POMP: variants seen among roughly 807,000 people sequenced by gnomAD.
POMP encodes the protein 2510048O06Rik.
A neutral mutation model predicts 20.6 loss-of-function variants in POMP; 12 were observed. That is an observed-to-expected ratio of 0.58 (90% CI 0.37 to 0.94). The LOEUF is 0.94. Ranked by LOEUF, POMP falls within the 40% of genes least tolerant of loss-of-function variation. POMP has a pLI of 0.01. For synonymous variants in POMP, 53 were observed against 55.0 expected, an observed-to-expected ratio of 0.96 and a Z score of 0.16; for missense variants, 136 against 161.1, an observed-to-expected ratio of 0.84 and a Z score of 0.84.
chr13:28,665,687 T>TCCC (rs1884431846), intron 3 of POMP, among the ~76,000 whole-genome samples: 1 of 152,218 alleles, frequency 6.6e-6, no homozygotes, highest in Admixed American at 6.5e-5. Flanking sequence ...CTGTGAGCAT[T>TCCC]TAATAGGGTA....
At chr13:28,673,155 C>G (rs1884580054) in intron 5 of POMP, among the ~76,000 whole-genome samples, 2 of 150,594 alleles carry the variant, frequency 1.3e-5, no homozygotes, top group African/African-American at 4.9e-5. Context: ...ACTGCAACTT[C>G]CGCCTCCTGA....
In POMP at chr13:28,664,208, T is replaced by G. The variant is rs939542890; in HGVS notation, c.102-301T>G. On this transcript the variant is annotated intron_variant, in intron 2 of 5. Coordinates refer to ENST00000380842, the MANE Select transcript of POMP (RefSeq NM_015932.6). ...AAACATACATTCATTAAATTTCTTC[T>G]AGATGTGGCACCAGATTTTGGCAAG... Among the ~76,000 whole-genome samples, 25 of 152,254 alleles carry G rather than the reference T, an allele frequency of 1.6e-4. 1 individual carries two copies. The highest frequency in any genetic ancestry group is 1.6e-3 in the Admixed American group (25 of 15,288).
intron 2 of POMP, 130 bp from the exon 3 acceptor site, chr13:28,664,379 C>G: frequency 1.6e-6 from 1 of 618,954 alleles, no homozygotes; most frequent in Non-Finnish European, 2.9e-6. Flanking sequence ...TCACCACAGT[C>G]AAGATACAGA....
intron 3 of POMP, 41 bp from the exon 4 acceptor site, chr13:28,668,432 A>T (rs1197321318): frequency 7.2e-7 from 1 of 1,394,230 alleles, no homozygotes; most frequent in Admixed American, 1.7e-5. Flanking sequence ...TTGAAAGCAG[A>T]GTATTGAGTG....
In POMP at chr13:28,678,136, C is replaced by T. The variant is rs768042118; in HGVS notation, c.*34C>T. ...TGTTCATGGAAACCGAGGGCTGCAT[C>T]TTGTTTATAGTCATCTTTGTACTGT... On this transcript the variant is annotated 3_prime_UTR_variant, in exon 6 of 6. Coordinates refer to ENST00000380842, the MANE Select transcript of POMP (RefSeq NM_015932.6). The T allele has an allele frequency of 6.3e-7, 1 of 1,575,372 alleles. No individual in the cohort carries two copies. Among genetic ancestry groups the T allele is most frequent in the Non-Finnish European group, 8.7e-7 (1 of 1,145,126 alleles).
rs117755651 is a variant in POMP at position 28,665,968 on chromosome 13, C to T, written c.162+1399C>T. ...GGCCTCTGTCTACATCTTAGGTAGT[C>T]AGGTGGACACATAGGAAGGATAAGT... On this transcript the variant is annotated intron_variant, in intron 3 of 5. Coordinates refer to ENST00000380842, the MANE Select transcript of POMP (RefSeq NM_015932.6). Among the ~76,000 whole-genome samples, 248 of 152,182 alleles carry T rather than the reference C, an allele frequency of 1.6e-3. 3 individuals are homozygous for T. In the East Asian group the frequency reaches 0.041, roughly 25 times the overall value.
At chr13:28,673,214 G>A (rs1884581179) in intron 5 of POMP, among the ~76,000 whole-genome samples, 1 of 151,832 alleles carries the variant, frequency 6.6e-6, no homozygotes, top group Non-Finnish European at 1.5e-5. Flanking sequence ...GGGATTACAG[G>A]CACCCATCAC....
intron 5 of POMP, among the ~76,000 whole-genome samples, chr13:28,675,065 A>G (rs1008196933): frequency 8.5e-5 from 13 of 152,112 alleles, no homozygotes; most frequent in Non-Finnish European, 1.6e-4. Context: ...GCCACTTGCT[A>G]TCTTGTGGGC....
Position 28,664,559 on chromosome 13 carries a change from C to T in POMP, c.152C>T (p.Ser51Leu), listed in dbSNP as rs1338889537. 1.3e-6 allele frequency: 2 copies of T among 1,543,654 alleles called. No individual in the cohort carries two copies. The highest frequency in any genetic ancestry group is 1.8e-6 in the Non-Finnish European group (2 of 1,121,122). The change falls in exon 3 of 6, where the codon TCA becomes TTA. Residue 51 changes from serine (S) to leucine (L), a missense_variant. By Grantham distance (145) the Ser-to-Leu change is moderately radical. Transcript: ENST00000380842. ...ELLPSHPLEL[S>L]EKNFQLNQDK... ...TTGCCTAGTCATCCCCTTGAATTAT[C>T]AGAAAAAAATGTAAGTATATTATTA...
intron 3 of POMP, among the ~76,000 whole-genome samples, chr13:28,667,880 T>C (rs778907547): frequency 6.6e-6 from 1 of 152,196 alleles, no homozygotes; most frequent in Non-Finnish European, 1.5e-5. Context: ...AAATGTAATA[T>C]CAGTACTTAG....
At position 28,674,214 on chromosome 13, in the gene POMP, A is replaced by T. The variant is rs144520536; in HGVS notation, c.358+1782A>T. On this transcript the variant is annotated intron_variant, in intron 5 of 5. Coordinates refer to ENST00000380842, the MANE Select transcript of POMP (RefSeq NM_015932.6). ...CTGGCAGAAGACAAGAGACTCCTAA[A>T]GGACAGTTTCTTATTCATAGCAATA... Among the ~76,000 whole-genome samples the T allele has an allele frequency of 2.7e-4, 41 of 152,344 alleles. No homozygotes were observed. In the East Asian group the frequency reaches 7.9e-3, roughly 29 times the overall value.
chr13:28,674,985 G>A (rs1182894683), intron 5 of POMP, among the ~76,000 whole-genome samples: 3 of 152,054 alleles, frequency 2.0e-5, no homozygotes, highest in Admixed American at 2.0e-4. Flanking sequence ...GCCACAGTGA[G>A]CAGGGATCAC....
intron 2 of POMP, 87 bp downstream of exon 2, chr13:28,662,594 T>A: frequency 8.9e-7 from 1 of 1,117,830 alleles, no homozygotes; most frequent in Non-Finnish European, 1.4e-6. Flanking sequence ...GCTATACATG[T>A]GTATTTAGTT....
chr13:28,675,875 A>ACAG (rs1429016889), intron 5 of POMP, among the ~76,000 whole-genome samples: 1 of 152,112 alleles, frequency 6.6e-6, no homozygotes, highest in Non-Finnish European at 1.5e-5. Context: ...GGGCTGCCAC[A>ACAG]CAGCTTTAAA....
chr13:28,665,277 A>G (rs1349302641), intron 3 of POMP, among the ~76,000 whole-genome samples: 1 of 152,208 alleles, frequency 6.6e-6, no homozygotes, highest in East Asian at 1.9e-4. Context: ...AAGATGATGC[A>G]GTTGTTAGGT....
At chr13:28,672,788 T>C (rs993935966) in intron 5 of POMP, among the ~76,000 whole-genome samples, 1 of 152,188 alleles carries the variant, frequency 6.6e-6, no homozygotes, top group Non-Finnish European at 1.5e-5. Context: ...TAAGAGTACA[T>C]AGTCATTTCA....
In POMP at chr13:28,659,205, C is replaced by A. The variant is rs944969100; in HGVS notation, c.3+18C>A. 3 of 1,587,592 alleles carry A rather than the reference C, an allele frequency of 1.9e-6. No homozygotes were observed. The highest frequency in any genetic ancestry group is 2.6e-6 in the Non-Finnish European group (3 of 1,168,252). ...GGAAGATGGTGAGTGGGTACCCGGGCGGCTGGAGTTCCACGCGGGCTCGGG... is the reference window on the plus strand; with the variant it reads ...GGAAGATGGTGAGTGGGTACCCGGGAGGCTGGAGTTCCACGCGGGCTCGGG... On this transcript the variant is annotated intron_variant, in intron 1 of 5. Transcript: ENST00000380842.
intron 4 of POMP, among the ~76,000 whole-genome samples, chr13:28,669,332 C>A (rs138899606): frequency 9.3e-4 from 141 of 152,252 alleles, no homozygotes; most frequent in Middle Eastern, 6.8e-3. Context: ...GTATTTGACA[C>A]TAATAATGGC....
intron 4 of POMP, among the ~76,000 whole-genome samples, chr13:28,670,589 G>A (rs2137796739): frequency 6.6e-6 from 1 of 152,254 alleles, no homozygotes; most frequent in South Asian, 2.1e-4. Context: ...ACTTAGTGTG[G>A]CTCTGTCCAT....
Sources: allele counts gnomAD v4.1 joint callset (sites outside exome capture counted in the v4.1 genomes callset), GRCh38; gene constraint gnomAD v4.1.1; transcripts MANE v1.5; gene names NCBI Gene and HGNC (gene_info 2026-07-23, HGNC 2026-07-21).